Variants in TOX2 observed in about 807,000 individuals in gnomAD.
TOX2 encodes TOX high mobility group box family member 2.
A neutral mutation model predicts 47.4 loss-of-function variants in TOX2; 15 were observed. The ratio of observed to expected loss-of-function variants is 0.32; its 90% confidence interval spans 0.21 to 0.49. The LOEUF (loss-of-function observed/expected upper bound fraction) is 0.49, where lower values mean the gene tolerates loss of function less well. Among genes scored for constraint, TOX2 ranks in the 20% least tolerant of loss-of-function variants. The pLI, the probability that TOX2 is intolerant of heterozygous loss-of-function variation, is 0.99. For missense variants in TOX2, 622 were observed against 673.1 expected (o/e 0.92, Z 0.84); for synonymous variants, 290 against 296.6 (o/e 0.98, Z 0.23).
At chr20:44,033,454 A>G (rs1270308160) in intron 3 of TOX2, among the ~76,000 whole-genome samples, 3 of 152,046 alleles carry the variant, frequency 2.0e-5, no homozygotes, top group African/African-American at 4.8e-5. Context: ...GTGTTACCTT[A>G]TATATCAAAA....
At chr20:43,948,914 A>G (rs1342011740) in intron 1 of TOX2, among the ~76,000 whole-genome samples, 1 of 152,152 alleles carries the variant, frequency 6.6e-6, no homozygotes, top group Admixed American at 6.5e-5. Context: ...CTTGACTTCT[A>G]GTTGTGAGGC....
chr20:43,936,895 T>G (rs2069333247), intron 1 of TOX2, among the ~76,000 whole-genome samples: 1 of 152,014 alleles, frequency 6.6e-6, no homozygotes, highest in African/African-American at 2.4e-5. Flanking sequence ...TTAGTGGTCA[T>G]CTTTGTAATC....
intron 2 of TOX2, among the ~76,000 whole-genome samples, chr20:43,987,333 A>T: frequency 6.6e-6 from 1 of 152,170 alleles, no homozygotes; most frequent in East Asian, 1.9e-4. Context: ...TAATCAATGG[A>T]GATAGAATGT....
intron 1 of TOX2, among the ~76,000 whole-genome samples, chr20:43,927,643 C>CCTTCCCCTTCCTTCCTTTCTTCCTT (rs1301900311): frequency 1.8e-5 from 2 of 111,192 alleles, no homozygotes; most frequent in African/African-American, 1.1e-4. Context: ...TTCCTTCCTC[C>CCTTCCCCTTCCTTCCTTTCTTCCTT]CCTTCCCTTC....
At chr20:43,959,559 G>A (rs529836371) in intron 1 of TOX2, among the ~76,000 whole-genome samples, 3 of 152,254 alleles carry the variant, frequency 2.0e-5, no homozygotes, top group African/African-American at 4.8e-5. Context: ...CTCCAAGATC[G>A]AACGCTGTCG....
intron 2 of TOX2, among the ~76,000 whole-genome samples, chr20:43,980,031 T>A (rs1323958835): frequency 6.6e-6 from 1 of 152,224 alleles, no homozygotes; most frequent in Non-Finnish European, 1.5e-5. Context: ...GCTGGGTATA[T>A]ACCCCAAAGA....
chr20:44,018,793 G>A (rs759461806), intron 3 of TOX2, among the ~76,000 whole-genome samples: 10 of 152,154 alleles, frequency 6.6e-5, no homozygotes, highest in Admixed American at 4.6e-4. Context: ...CAGGACAAGC[G>A]CGCCCCATCA....
chr20:44,044,981 A>T (rs1466486901), intron 3 of TOX2, among the ~76,000 whole-genome samples: 1 of 152,234 alleles, frequency 6.6e-6, no homozygotes, highest in African/African-American at 2.4e-5. Context: ...ATGAACCTTG[A>T]GTACCTTAAG....
rs376829348 is a variant in TOX2 at position 44,066,865 on chromosome 20, C to T, written c.1484+8C>T. ...TGGCATCAGCACCTGCAGGTTAGTC[C>T]TCGCCCGTCCCTGCCTTTGTCCTGC... On this transcript the variant is annotated splice_region_variant and intron_variant, in intron 8 of 8. Transcript: ENST00000341197. 4 of 1,609,970 alleles carry T rather than the reference C, an allele frequency of 2.5e-6. No individual in the cohort carries two copies. The highest frequency in any genetic ancestry group is 3.4e-6 in the Non-Finnish European group (4 of 1,177,620).
rs6017258 is a variant in TOX2 at position 44,069,011 on chromosome 20, G to T, written c.*325G>T. On this transcript the variant is annotated 3_prime_UTR_variant, in exon 9 of 9. Coordinates refer to ENST00000341197, the MANE Select transcript of TOX2 (RefSeq NM_001098797.2). ...CGGCCCCAGCTCCAGCCCCAGCCCA[G>T]GTGGGCCGCCCCTGGCGGGGTCGCT... The T allele has an allele frequency of 2.9e-5, 14 of 478,454 alleles. No individual in the cohort carries two copies. Among genetic ancestry groups the T allele is most frequent in the African/African-American group, 2.5e-4 (13 of 51,564 alleles). The allele number at this position is 478,454 out of a possible 1,614,324, so 29.6% of individuals were successfully genotyped here.
intron 3 of TOX2, among the ~76,000 whole-genome samples, chr20:44,036,225 G>T (rs548020443): frequency 6.6e-6 from 1 of 152,206 alleles, no homozygotes; most frequent in Admixed American, 6.5e-5. Context: ...AGGCTACAAC[G>T]CAAGGTTAGA....
At chr20:43,930,594 G>A (rs755679297) in intron 1 of TOX2, among the ~76,000 whole-genome samples, 5 of 152,110 alleles carry the variant, frequency 3.3e-5, no homozygotes, top group Non-Finnish European at 7.4e-5. Context: ...GGAGGGAGGC[G>A]TCACTCCCAG....
At position 44,054,633 on chromosome 20, in the gene TOX2, C is replaced by A. The variant is rs996882728; in HGVS notation, c.879+107C>A. 9 of 1,210,996 alleles carry A rather than the reference C, an allele frequency of 7.4e-6. No individual in the cohort carries two copies. In the African/African-American group the frequency reaches 1.4e-4, roughly 18 times the overall value. The allele number at this position is 1,210,996 out of a possible 1,614,324, so 75.0% of individuals were successfully genotyped here. A position where few individuals can be genotyped will look rare whatever the true frequency, so the allele number is the denominator to read the frequency against. On this transcript the variant is annotated intron_variant, in intron 5 of 8. Coordinates refer to ENST00000341197, the MANE Select transcript of TOX2 (RefSeq NM_001098797.2). ...AGGCCCAGCTCTGGAACTAGAGACT[C>A]TTACAGAGGTCTTTCCTGGGCTCAG...
rs2071582438 is a variant in TOX2, at chr20:44,054,469, T to C, written c.822T>C (p.Gly274=). The change falls in exon 5 of 9, where the codon GGT becomes GGC. Residue 274 remains glycine, a synonymous_variant. Coordinates refer to ENST00000341197, the MANE Select transcript of TOX2 (RefSeq NM_001098797.2). ...GTCAGAACCCCAGTGCCACTTTCGGTGACGTGTCCAAAATCGTGGCCTCCA... is the reference window on the plus strand; with the variant it reads ...GTCAGAACCCCAGTGCCACTTTCGGCGACGTGTCCAAAATCGTGGCCTCCA... The part of the protein sequence containing the change: ...IKGQNPSATF[G]DVSKIVASMW... The C allele has an allele frequency of 6.2e-7, 1 of 1,613,834 alleles. No homozygotes were observed. Among genetic ancestry groups the C allele is most frequent in the Non-Finnish European group, 8.5e-7 (1 of 1,179,932 alleles).
At chr20:44,066,153 G>A in intron 7 of TOX2, 46 bp downstream of exon 7, 1 of 1,482,054 alleles carries the variant, frequency 6.7e-7, no homozygotes, top group South Asian at 1.4e-5. Flanking sequence ...CGTGTGGGGA[G>A]GGGAAGCGGC....
intron 2 of TOX2, among the ~76,000 whole-genome samples, chr20:43,978,608 A>T (rs1345835546): frequency 2.6e-5 from 4 of 152,128 alleles, no homozygotes; most frequent in Non-Finnish European, 5.9e-5. Flanking sequence ...AGTGTTTTTC[A>T]ACCAACAAAT....
At chr20:44,025,888 G>A (rs1412234220) in intron 3 of TOX2, among the ~76,000 whole-genome samples, 4 of 152,026 alleles carry the variant, frequency 2.6e-5, no homozygotes, top group African/African-American at 4.8e-5. Context: ...CTGCCTCAGA[G>A]GAGGGATGTG....
At chr20:43,990,547 G>C (rs1314200247) in intron 2 of TOX2, among the ~76,000 whole-genome samples, 1 of 152,238 alleles carries the variant, frequency 6.6e-6, no homozygotes, top group Non-Finnish European at 1.5e-5. Flanking sequence ...TGTCACCTGG[G>C]AGGACAATGG....
chr20:44,036,133 C>T (rs750664830), intron 3 of TOX2, among the ~76,000 whole-genome samples: 1 of 152,202 alleles, frequency 6.6e-6, no homozygotes, highest in Non-Finnish European at 1.5e-5. Context: ...CCCATATGCC[C>T]GGCAGCTGGA....
Sources: allele counts gnomAD v4.1 joint callset (sites outside exome capture counted in the v4.1 genomes callset), GRCh38; gene constraint gnomAD v4.1.1; transcripts MANE v1.5; gene names NCBI Gene and HGNC (gene_info 2026-07-23, HGNC 2026-07-21).